The following SOX6 variants were observed in gnomAD, a reference collection of about 807,000 sequenced individuals.
SOX6 encodes the protein transcription factor SOX-6.
Under a neutral mutation model 97.8 loss-of-function variants are expected in SOX6, and 11 were observed. The ratio of observed to expected loss-of-function variants is 0.11; its 90% CI spans 0.07 to 0.19. The LOEUF (loss-of-function observed/expected upper bound fraction) is 0.19, where lower values mean the gene tolerates loss of function less well. Among genes scored for constraint, SOX6 ranks in the 10% least tolerant of loss-of-function variants. The pLI is 1.00. For synonymous variants in SOX6, 360 were observed against 371.4 expected, an observed-to-expected ratio of 0.97 and a Z score of 0.35; for missense variants, 810 against 1,039.5, an observed-to-expected ratio of 0.78 and a Z score of 3.04.
chr11:16,397,087 T>C (rs1423293820), intron 1 of SOX6, among the ~76,000 whole-genome samples: 2 of 151,408 alleles, frequency 1.3e-5, no homozygotes, highest in African/African-American at 4.8e-5. Flanking sequence ...AACCCAGAAC[T>C]TCCTCTTGTG....
rs57128078 is a variant in SOX6, at chr11:16,132,394, G to GAAA, written c.778-20474_778-20472dup. Reference sequence around the variant, plus strand: ...AGAAAGAAAGAAAGAAAGAAAGAAAGAAAGAAAAAAGAAAGAAAGAAAGAA... The same window carrying GAAA: ...AGAAAGAAAGAAAGAAAGAAAGAAAGAAAAAAGAAAAAAGAAAGAAAGAAAGAA... On this transcript the variant is annotated intron_variant, in intron 6 of 15. Transcript: ENST00000683767. Among the ~76,000 whole-genome samples, 18 of 63,754 alleles carry GAAA rather than the reference G, an allele frequency of 2.8e-4. 1 individual carries two copies. The highest frequency in any genetic ancestry group is 5.7e-4 in the Admixed American group (3 of 5,238). The allele number at this position is 63,754 out of a possible 152,430, so 41.8% of individuals were successfully genotyped here. A position where few individuals can be genotyped will look rare whatever the true frequency, so the allele number is the denominator to read the frequency against.
intron 3 of SOX6, among the ~76,000 whole-genome samples, chr11:16,708,816 C>CAT (rs1415554132): frequency 6.6e-6 from 1 of 152,112 alleles, no homozygotes; most frequent in African/African-American, 2.4e-5. Flanking sequence ...TTTCAGGTAA[C>CAT]ATATTTTTCT....
At chr11:16,156,018 T>C (rs1309314509) in intron 6 of SOX6, among the ~76,000 whole-genome samples, 1 of 152,004 alleles carries the variant, frequency 6.6e-6, no homozygotes, top group East Asian at 1.9e-4. Context: ...GTTCAGTGTG[T>C]AAAGGGGACA....
intron 1 of SOX6, among the ~76,000 whole-genome samples, chr11:16,430,041 A>T (rs960818181): frequency 1.3e-5 from 2 of 152,224 alleles, no homozygotes; most frequent in Non-Finnish European, 2.9e-5. Flanking sequence ...AATAAAACAC[A>T]TGATATAATT....
intron 3 of SOX6, among the ~76,000 whole-genome samples, chr11:16,612,590 T>G (rs996891578): frequency 2.8e-5 from 4 of 144,870 alleles, no homozygotes; most frequent in East Asian, 2.1e-4. Flanking sequence ...GGGGGCGGGG[T>G]TGGGAGTGGG....
intron 3 of SOX6, among the ~76,000 whole-genome samples, chr11:16,295,522 G>A (rs1855051551): frequency 6.6e-6 from 1 of 151,934 alleles, no homozygotes; most frequent in Non-Finnish European, 1.5e-5. Context: ...TAGTAATGGA[G>A]GTATAATTCT....
chr11:16,621,610 A>G (rs1171021830), intron 3 of SOX6, among the ~76,000 whole-genome samples: 3 of 152,240 alleles, frequency 2.0e-5, no homozygotes, highest in Non-Finnish European at 4.4e-5. Flanking sequence ...TGTAGATACT[A>G]TGCTAAACAA....
At chr11:16,243,931 A>G (rs1283874671) in intron 3 of SOX6, among the ~76,000 whole-genome samples, 1 of 151,968 alleles carries the variant, frequency 6.6e-6, no homozygotes, top group Non-Finnish European at 1.5e-5. Context: ...CTGTCTATGG[A>G]CATGTGGGTT....
intron 6 of SOX6, among the ~76,000 whole-genome samples, chr11:16,173,440 A>G (rs1176423549): frequency 6.6e-6 from 1 of 151,994 alleles, no homozygotes; most frequent in South Asian, 2.1e-4. Context: ...TTTCCTTCTC[A>G]GTAAGACTGA....
intron 1 of SOX6, among the ~76,000 whole-genome samples, chr11:16,366,771 C>T (rs1857370353): frequency 6.9e-6 from 1 of 144,720 alleles, no homozygotes; most frequent in African/African-American, 2.5e-5. Flanking sequence ...CTATCTGGTC[C>T]CTTCACTTTC....
chr11:16,589,497 CA>C (rs1241896556), intron 4 of SOX6, among the ~76,000 whole-genome samples: 1 of 151,790 alleles, frequency 6.6e-6, no homozygotes, highest in Non-Finnish European at 1.5e-5. Context: ...ATGATTCTTC[CA>C]AAAAAACTAT....
At chr11:16,501,111 T>G (rs4579900) in intron 4 of SOX6, among the ~76,000 whole-genome samples, 89,491 of 151,894 alleles carry the variant, frequency 0.59, 26,853 homozygotes, top group East Asian at 0.95. Flanking sequence ...CCAAAACAGA[T>G]ATATAGACCA....
chr11:16,658,658 A>C (rs1298302733), intron 3 of SOX6, among the ~76,000 whole-genome samples: 2 of 151,978 alleles, frequency 1.3e-5, no homozygotes, highest in Non-Finnish European at 2.9e-5. Context: ...CAGTGAGCCG[A>C]GATCAAGCCA....
At chr11:16,179,775 C>A (rs1462126608) in intron 6 of SOX6, among the ~76,000 whole-genome samples, 1 of 151,922 alleles carries the variant, frequency 6.6e-6, no homozygotes, top group Non-Finnish European at 1.5e-5. Context: ...CCCATCCAGC[C>A]AGTCCATTCT....
intron 1 of SOX6, among the ~76,000 whole-genome samples, chr11:16,450,510 C>T (rs969741183): frequency 2.0e-5 from 3 of 152,208 alleles, no homozygotes; most frequent in African/African-American, 7.2e-5. Context: ...TTAAAAACTA[C>T]ACAGATCAAA....
intron 4 of SOX6, among the ~76,000 whole-genome samples, chr11:16,228,709 T>C (rs1852757893): frequency 6.6e-6 from 1 of 152,140 alleles, no homozygotes; most frequent in African/African-American, 2.4e-5. Context: ...GTGATGCATA[T>C]GTTAATTTGC....
intron 3 of SOX6, among the ~76,000 whole-genome samples, chr11:16,303,277 A>G (rs1039119862): frequency 2.0e-5 from 3 of 152,228 alleles, no homozygotes; most frequent in South Asian, 4.1e-4. Flanking sequence ...GTTAATGTAT[A>G]TTATATGCTA....
intron 3 of SOX6, among the ~76,000 whole-genome samples, chr11:16,667,162 C>T (rs1354391205): frequency 6.6e-6 from 1 of 151,714 alleles, no homozygotes; most frequent in Admixed American, 6.6e-5. Flanking sequence ...ATGGTTTGAT[C>T]CCAAAAGATG....
chr11:16,041,204 C>T (rs1269777192), intron 12 of SOX6, among the ~76,000 whole-genome samples: 1 of 152,082 alleles, frequency 6.6e-6, no homozygotes, highest in African/African-American at 2.4e-5. Context: ...CTCATTCATT[C>T]CCAACACACT....
Sources: gnomAD v4.1 joint callset for allele counts (sites outside exome capture counted in the v4.1 genomes callset) on GRCh38, gnomAD v4.1.1 for gene constraint, MANE v1.5 for transcripts, NCBI Gene and HGNC (gene_info 2026-07-23, HGNC 2026-07-21) for gene names.